Variants in NBAS observed in about 807,000 individuals in gnomAD.
NBAS encodes the protein NAG/BC035112 fusion.
Under a neutral mutation model 302.5 loss-of-function variants are expected in NBAS, and 219 were observed. The ratio of observed to expected loss-of-function variants is 0.72; its 90% confidence interval spans 0.65 to 0.81. The LOEUF (loss-of-function observed/expected upper bound fraction) is 0.81. Ranked by LOEUF, NBAS falls within the 30% of genes least tolerant of loss-of-function variation. The pLI, the probability that NBAS is intolerant of heterozygous loss-of-function variation, is 0.00. For missense variants in NBAS, 2,932 were observed against 2,841.6 expected (o/e 1.03, Z -0.72); for synonymous variants, 1,118 against 1,021.6 (o/e 1.09, Z -1.80).
chr2:15,505,051 C>A (rs775292568), intron 10 of NBAS, among the ~76,000 whole-genome samples: 2 of 152,166 alleles, frequency 1.3e-5, no homozygotes, highest in Non-Finnish European at 2.9e-5. Context: ...AAAAACCATA[C>A]TCTCCACTTA....
At chr2:14,845,818 G>A in the NBAS span, among the ~76,000 whole-genome samples, 21 of 152,010 alleles carry the variant, frequency 1.4e-4, no homozygotes, top group African/African-American at 5.1e-4. Context: ...GTAGAAGAAA[G>A]AATTAGTGAG....
In NBAS at chr2:15,238,473, C is replaced by T. The variant is rs540821380; in HGVS notation, c.5938G>A (p.Glu1980Lys). 7 of 1,613,954 alleles carry T rather than the reference C, an allele frequency of 4.3e-6. No individual in the cohort carries two copies. The South Asian group carries it at 6.6e-5, about 15-fold the overall frequency. Residue 1980 changes from glutamate to lysine, a missense_variant, in exon 45 of 52, where the codon GAG becomes AAG. Coordinates refer to ENST00000281513, the MANE Select transcript of NBAS (RefSeq NM_015909.4). ...HSFILSLKNS[E>K]QETLQKYSHL... ...AGAAGTTCCCATTTCTTTACCTGCTCACTATTCTTCAGAGAAAGGATGAAG... is the reference window on the plus strand; with the variant it reads ...AGAAGTTCCCATTTCTTTACCTGCTTACTATTCTTCAGAGAAAGGATGAAG...
chr2:15,421,339 C>A (rs895588946), intron 23 of NBAS, among the ~76,000 whole-genome samples: 2 of 152,158 alleles, frequency 1.3e-5, no homozygotes, highest in Non-Finnish European at 2.9e-5. Context: ...CAAATACTTA[C>A]TAAAGTATAA....
the NBAS span, among the ~76,000 whole-genome samples, chr2:15,154,278 A>C: frequency 6.6e-6 from 1 of 152,226 alleles, no homozygotes; most frequent in South Asian, 2.1e-4. Context: ...GAGTTTCATT[A>C]GATTCTATCC....
At chr2:15,206,749 AGACTTGGTG>A (rs1290372194) in intron 48 of NBAS, among the ~76,000 whole-genome samples, 3 of 152,242 alleles carry the variant, frequency 2.0e-5, no homozygotes, top group African/African-American at 7.2e-5. Flanking sequence ...CCAAGCCCCA[AGACTTGGTG>A]GCTTCTACAT....
chr2:15,022,827 T>C, the NBAS span, among the ~76,000 whole-genome samples: 1 of 152,230 alleles, frequency 6.6e-6, no homozygotes, highest in Non-Finnish European at 1.5e-5. Flanking sequence ...GTGATCTTTT[T>C]AATACTTTTG....
intron 25 of NBAS, among the ~76,000 whole-genome samples, chr2:15,409,368 T>C (rs927497961): frequency 5.3e-5 from 8 of 152,352 alleles, no homozygotes; most frequent in African/African-American, 1.9e-4. Flanking sequence ...TGTCTGCTTA[T>C]TGTCATCTCT....
intron 23 of NBAS, among the ~76,000 whole-genome samples, chr2:15,420,105 G>C (rs1007898456): frequency 2.6e-5 from 4 of 152,108 alleles, no homozygotes; most frequent in Non-Finnish European, 5.9e-5. Flanking sequence ...CTCTCTTCTA[G>C]TAATAACAGT....
chr2:14,924,722 G>A, the NBAS span, among the ~76,000 whole-genome samples: 1,904 of 152,110 alleles, frequency 0.013, 38 homozygotes, highest in African/African-American at 0.043. Context: ...CTCCAGTCAC[G>A]GTGGAGCCTT....
At chr2:15,194,660 C>T (rs1426631963) in intron 48 of NBAS, among the ~76,000 whole-genome samples, 3 of 152,050 alleles carry the variant, frequency 2.0e-5, no homozygotes, top group African/African-American at 7.2e-5. Context: ...CTGTTCTTTT[C>T]CACATACATG....
At chr2:14,984,156 C>T in the NBAS span, among the ~76,000 whole-genome samples, 5 of 152,146 alleles carry the variant, frequency 3.3e-5, no homozygotes, top group East Asian at 9.6e-4. Context: ...CCATTCAGCG[C>T]CCTCTGCCCA....
chr2:15,151,572 G>A, the NBAS span, among the ~76,000 whole-genome samples: 1 of 152,174 alleles, frequency 6.6e-6, no homozygotes, highest in Admixed American at 6.5e-5. Flanking sequence ...TGAACCAAGG[G>A]GAATGTGTAC....
chr2:15,540,342 C>T (rs1663746984), intron 6 of NBAS, among the ~76,000 whole-genome samples: 1 of 152,012 alleles, frequency 6.6e-6, no homozygotes, highest in East Asian at 1.9e-4. Context: ...CAAAAATGCT[C>T]CAGAAACGTA....
chr2:15,040,936 G>T, the NBAS span, among the ~76,000 whole-genome samples: 1 of 152,180 alleles, frequency 6.6e-6, no homozygotes, highest in East Asian at 1.9e-4. Flanking sequence ...TCATCAGTTT[G>T]TTTGCATTGA....
chr2:15,343,329 A>G (rs1237605806), intron 35 of NBAS, among the ~76,000 whole-genome samples: 4 of 152,180 alleles, frequency 2.6e-5, no homozygotes, highest in Non-Finnish European at 5.9e-5. Context: ...CTGAGCAGAG[A>G]GAAACCACAA....
the NBAS span, among the ~76,000 whole-genome samples, chr2:15,034,293 A>G: frequency 1.6e-4 from 15 of 96,614 alleles, no homozygotes; most frequent in African/African-American, 6.1e-4. Flanking sequence ...AGAAAGAAAG[A>G]AAGAAAGAAA....
chr2:15,376,121 T>C (rs1371260735), intron 30 of NBAS, among the ~76,000 whole-genome samples: 2 of 152,198 alleles, frequency 1.3e-5, no homozygotes, highest in Non-Finnish European at 2.9e-5. Context: ...ATTGTTTGGA[T>C]ATCTATTGCT....
the NBAS span, among the ~76,000 whole-genome samples, chr2:15,133,344 T>C: frequency 9.2e-5 from 14 of 151,940 alleles, no homozygotes; most frequent in Middle Eastern, 6.8e-3. Flanking sequence ...GGAAGTGAAA[T>C]GAAGAAAGGC....
chr2:15,122,875 T>G, the NBAS span, among the ~76,000 whole-genome samples: 96 of 152,344 alleles, frequency 6.3e-4, no homozygotes, highest in African/African-American at 2.2e-3. Flanking sequence ...AGCTTCCGCC[T>G]GAGCCTGCTG....
Sources: gnomAD v4.1 joint callset for allele counts (sites outside exome capture counted in the v4.1 genomes callset) on GRCh38, gnomAD v4.1.1 for gene constraint, MANE v1.5 for transcripts, NCBI Gene and HGNC (gene_info 2026-07-23, HGNC 2026-07-21) for gene names.